The following NTM variants were observed in gnomAD, a reference collection of about 807,000 sequenced individuals.
The protein encoded by NTM is neurotrimin, also known as IgLON family member 2.
In NTM, 13 loss-of-function variants were observed where a neutral mutation model predicts 42.1. That is an observed-to-expected ratio of 0.31 (90% CI 0.20 to 0.49). The LOEUF (loss-of-function observed/expected upper bound fraction) is 0.49, where lower values mean the gene tolerates loss of function less well. NTM is among the 20% of genes least tolerant of loss of function. NTM has a pLI of 0.99. For synonymous variants in NTM, 187 were observed against 179.2 expected (o/e 1.04, Z -0.35); for missense variants, 373 against 452.8 (o/e 0.82, Z 1.60).
At chr11:131,579,515 A>G (rs950658434) in intron 1 of NTM, among the ~76,000 whole-genome samples, 3 of 152,216 alleles carry the variant, frequency 2.0e-5, no homozygotes, top group Admixed American at 1.3e-4. Flanking sequence ...ATAATATTAC[A>G]GGACCCCATA....
chr11:131,872,701 T>C (rs561039191), intron 1 of NTM, among the ~76,000 whole-genome samples: 1 of 152,356 alleles, frequency 6.6e-6, no homozygotes, highest in East Asian at 1.9e-4. Flanking sequence ...CATATTTTTA[T>C]ATCATTTGAT....
chr11:132,330,819 TGTGGA>T (rs763831565), intron 8 of NTM, among the ~76,000 whole-genome samples: 1 of 152,186 alleles, frequency 6.6e-6, no homozygotes, highest in Non-Finnish European at 1.5e-5. Context: ...AGGCATTCAC[TGTGGA>T]GTGGAGGCGT....
At chr11:131,987,711 G>T (rs917808775) in intron 2 of NTM, among the ~76,000 whole-genome samples, 2 of 152,128 alleles carry the variant, frequency 1.3e-5, no homozygotes, top group Non-Finnish European at 2.9e-5. Context: ...CTTCACTTAG[G>T]CTTCTATCAA....
intron 1 of NTM, among the ~76,000 whole-genome samples, chr11:131,813,691 T>G (rs1022136063): frequency 2.6e-5 from 4 of 152,236 alleles, no homozygotes; most frequent in Non-Finnish European, 4.4e-5. Flanking sequence ...ATTATAATTA[T>G]TAGATACATT....
chr11:132,120,256 A>G (rs1348230510), intron 2 of NTM, among the ~76,000 whole-genome samples: 2 of 152,170 alleles, frequency 1.3e-5, no homozygotes, highest in African/African-American at 4.8e-5. Context: ...TTGTATTGCT[A>G]CAGTCTCTCA....
chr11:132,262,870 T>C (rs2092951722), intron 4 of NTM, among the ~76,000 whole-genome samples: 1 of 152,182 alleles, frequency 6.6e-6, no homozygotes, highest in African/African-American at 2.4e-5. Flanking sequence ...AAATATCATC[T>C]TAATCAGGTG....
chr11:131,703,285 G>C (rs771877122), intron 1 of NTM, among the ~76,000 whole-genome samples: 2 of 152,094 alleles, frequency 1.3e-5, no homozygotes, highest in Non-Finnish European at 2.9e-5. Context: ...ACTTTGATTT[G>C]ATCACTCCAG....
intron 2 of NTM, among the ~76,000 whole-genome samples, chr11:132,101,782 A>G (rs1223735765): frequency 6.6e-6 from 1 of 152,268 alleles, no homozygotes; most frequent in African/African-American, 2.4e-5. Flanking sequence ...ATAATTCACT[A>G]TCTCATTTCC....
intron 3 of NTM, among the ~76,000 whole-genome samples, chr11:132,176,039 C>A (rs1306728722): frequency 1.3e-5 from 2 of 151,994 alleles, no homozygotes; most frequent in African/African-American, 4.8e-5. Context: ...AGTGTGGTTC[C>A]AATATATGCT....
intron 1 of NTM, among the ~76,000 whole-genome samples, chr11:131,589,672 C>T (rs1291880894): frequency 3.3e-5 from 5 of 152,172 alleles, no homozygotes; most frequent in Non-Finnish European, 5.9e-5. Flanking sequence ...ACCATCCCAC[C>T]CCTTCCTCGT....
intron 1 of NTM, chr11:131,911,274 G>C: frequency 7.0e-7 from 1 of 1,422,326 alleles, no homozygotes; most frequent in Non-Finnish European, 9.2e-7. Flanking sequence ...CCGGTTTTCC[G>C]AGGCTGGCAA....
intron 1 of NTM, among the ~76,000 whole-genome samples, chr11:131,891,733 C>T (rs2051371857): frequency 6.6e-6 from 1 of 152,168 alleles, no homozygotes; most frequent in Admixed American, 6.5e-5. Flanking sequence ...CAAATGCTGC[C>T]TTTTCTGATA....
At chr11:131,768,121 A>ATT (rs200565983) in intron 1 of NTM, among the ~76,000 whole-genome samples, 2 of 121,512 alleles carry the variant, frequency 1.6e-5, no homozygotes, top group Non-Finnish European at 1.7e-5. Context: ...GCAAAAACTT[A>ATT]TTTTTTTTTT....
intron 1 of NTM, among the ~76,000 whole-genome samples, chr11:131,820,968 G>T (rs940098571): frequency 2.0e-5 from 3 of 151,740 alleles, no homozygotes; most frequent in Non-Finnish European, 2.9e-5. Flanking sequence ...AGCCTAGAAG[G>T]GTTGTAAGGA....
intron 2 of NTM, among the ~76,000 whole-genome samples, chr11:132,048,356 C>G (rs1408088051): frequency 6.6e-6 from 1 of 152,148 alleles, no homozygotes; most frequent in Admixed American, 6.5e-5. Flanking sequence ...TCTCTGGGTC[C>G]ACACGATCAA....
intron 2 of NTM, among the ~76,000 whole-genome samples, chr11:131,950,503 C>T (rs910818023): frequency 6.6e-6 from 1 of 152,172 alleles, no homozygotes; most frequent in Non-Finnish European, 1.5e-5. Flanking sequence ...CTCGGAAGCC[C>T]ACTCACTCCC....
chr11:132,284,141 G>A (rs139788352), intron 4 of NTM, among the ~76,000 whole-genome samples: 42 of 152,226 alleles, frequency 2.8e-4, no homozygotes, highest in East Asian at 2.7e-3. Context: ...AAGAGCTGGC[G>A]CACAGCAAAC....
At chr11:132,280,545 G>T (rs1339117703) in intron 4 of NTM, among the ~76,000 whole-genome samples, 1 of 141,948 alleles carries the variant, frequency 7.0e-6, no homozygotes, top group Admixed American at 7.6e-5. Flanking sequence ...GAGTGCAGTG[G>T]CATGTTCTTG....
At chr11:131,602,722 G>A (rs910111200) in intron 1 of NTM, among the ~76,000 whole-genome samples, 2 of 152,096 alleles carry the variant, frequency 1.3e-5, no homozygotes, top group Non-Finnish European at 2.9e-5. Flanking sequence ...CTTTCAGAAA[G>A]CTCAAACTTA....
Sources: allele counts gnomAD v4.1 joint callset (sites outside exome capture counted in the v4.1 genomes callset), GRCh38; gene constraint gnomAD v4.1.1; transcripts MANE v1.5; gene names NCBI Gene and HGNC (gene_info 2026-07-23, HGNC 2026-07-21).